TNNI3K: variants seen among roughly 807,000 people sequenced by gnomAD.
TNNI3K encodes TNNI3 interacting kinase.
A neutral mutation model predicts 114.5 loss-of-function variants in TNNI3K; 140 were observed. The ratio of observed to expected loss-of-function variants is 1.22; its 90% CI spans 1.07 to 1.41. The LOEUF (loss-of-function observed/expected upper bound fraction) is 1.41, where lower values mean the gene tolerates loss of function less well. Ranked by LOEUF, TNNI3K falls within the 40% of genes most tolerant of loss-of-function variation. TNNI3K has a pLI of 0.00. For missense variants in TNNI3K, 1,125 were observed against 1,007.6 expected (o/e 1.12, Z -1.58); for synonymous variants, 347 against 347.5 (o/e 1.00, Z 0.02).
chr1:74,388,690 A>G (rs1663613060), intron 17 of TNNI3K, among the ~76,000 whole-genome samples: 1 of 152,372 alleles, frequency 6.6e-6, no homozygotes, highest in South Asian at 2.1e-4. Context: ...TCTGAAAAAT[A>G]TAACAAGGAA....
At chr1:74,268,949 A>T (rs914709519) in intron 4 of TNNI3K, among the ~76,000 whole-genome samples, 4 of 151,904 alleles carry the variant, frequency 2.6e-5, no homozygotes, top group African/African-American at 9.7e-5. Flanking sequence ...AAGATTATAC[A>T]TCTTTGACCT....
chr1:74,490,312 G>A (rs1669001184), intron 22 of TNNI3K, among the ~76,000 whole-genome samples: 1 of 152,166 alleles, frequency 6.6e-6, no homozygotes, highest in Non-Finnish European at 1.5e-5. Context: ...AGCCCCTGTG[G>A]ACAAAAGCAT....
intron 9 of TNNI3K, among the ~76,000 whole-genome samples, chr1:74,351,419 T>C (rs1373336012): frequency 6.6e-6 from 1 of 151,996 alleles, no homozygotes; most frequent in Non-Finnish European, 1.5e-5. Flanking sequence ...TTATTTCAAC[T>C]TTGGTGAATC....
Position 74,278,751 on chromosome 1 carries a change from G to A in TNNI3K, c.444+7043G>A, listed in dbSNP as rs552067751. Among the ~76,000 whole-genome samples the A allele has an allele frequency of 2.0e-5, 3 of 152,186 alleles. No homozygotes were observed. The East Asian group carries it at 5.8e-4, about 29-fold the overall frequency. ...AAAAAGGAAACTTAATACCCATTAA[G>A]TAGTCAGTCCCACCCAGCCCTCACT... is the stretch of plus-strand genomic sequence containing the variant. On this transcript the variant is annotated intron_variant, in intron 5 of 24. Coordinates refer to ENST00000326637, the MANE Select transcript of TNNI3K (RefSeq NM_015978.3).
At chr1:74,480,708 T>G in intron 21 of TNNI3K, 1 of 717,442 alleles carries the variant, frequency 1.4e-6, no homozygotes, top group Non-Finnish European at 2.6e-6. Context: ...CGGAGAGCAT[T>G]ATTGCTCAGC....
At chr1:74,236,251 T>A in intron 2 of TNNI3K, 41 bp downstream of exon 2, 2 of 1,538,460 alleles carry the variant, frequency 1.3e-6, no homozygotes, top group Non-Finnish European at 1.8e-6. Context: ...ATAAGTGTCT[T>A]CAGTATTCAC....
At position 74,370,317 on chromosome 1, in the gene TNNI3K, T is replaced by C. The variant is rs1191413935; in HGVS notation, c.1697T>C (p.Ile566Thr). The change falls in exon 17 of 25, where the codon ATT becomes ACT. Residue 566 changes from isoleucine (I) to threonine (T), a missense_variant. Physicochemically the swap from Ile to Thr is moderately conservative, Grantham distance 89 (BLOSUM62 -1). Coordinates refer to ENST00000326637, the MANE Select transcript of TNNI3K (RefSeq NM_015978.3). Reference sequence around the variant, plus strand: ...CTTGATTTGCAGTCTAAATTAATTATTGCAGTAGATGTTGCCAAAGGCATG... The same window carrying C: ...CTTGATTTGCAGTCTAAATTAATTACTGCAGTAGATGTTGCCAAAGGCATG... ...RILDLQSKLI[I>T]AVDVAKGMEY... 13 of 1,602,820 alleles carry C rather than the reference T, an allele frequency of 8.1e-6. No homozygotes were observed. The highest frequency in any genetic ancestry group is 1.7e-5 in the Admixed American group (1 of 58,808).
At chr1:74,543,034 C>CTTTCCT (rs1646744087) in intron 24 of TNNI3K, among the ~76,000 whole-genome samples, 1 of 133,686 alleles carries the variant, frequency 7.5e-6, no homozygotes, top group South Asian at 2.5e-4. Flanking sequence ...AAGAAAGGCT[C>CTTTCCT]TTTCCTTTTC....
intron 5 of TNNI3K, among the ~76,000 whole-genome samples, chr1:74,300,919 G>T (rs537426412): frequency 6.6e-6 from 1 of 152,140 alleles, no homozygotes; most frequent in East Asian, 1.9e-4. Flanking sequence ...TTGTTTTGGG[G>T]GAAATGTAAC....
chr1:74,493,542 A>T (rs533378314), intron 23 of TNNI3K, among the ~76,000 whole-genome samples: 38 of 152,366 alleles, frequency 2.5e-4, no homozygotes, highest in African/African-American at 5.8e-4. Flanking sequence ...AGAGAAATAT[A>T]TCTGTCATAT....
At chr1:74,287,490 G>A (rs1384511859) in intron 5 of TNNI3K, among the ~76,000 whole-genome samples, 2 of 151,888 alleles carry the variant, frequency 1.3e-5, no homozygotes, top group African/African-American at 4.8e-5. Flanking sequence ...CATATATAAG[G>A]GTATAAGAAT....
chr1:74,427,798 T>C (rs1665706956), intron 17 of TNNI3K, among the ~76,000 whole-genome samples: 1 of 152,126 alleles, frequency 6.6e-6, no homozygotes, highest in Admixed American at 6.6e-5. Context: ...ATGAAAATTA[T>C]ACTTGCTTGT....
At chr1:74,350,317 A>G (rs1661268526) in intron 9 of TNNI3K, among the ~76,000 whole-genome samples, 1 of 151,454 alleles carries the variant, frequency 6.6e-6, no homozygotes, top group Non-Finnish European at 1.5e-5. Context: ...TCTAGTTTGC[A>G]CTGTGGTCTG....
At chr1:74,449,225 T>C (rs1479621162) in intron 20 of TNNI3K, among the ~76,000 whole-genome samples, 7 of 152,068 alleles carry the variant, frequency 4.6e-5, no homozygotes, top group African/African-American at 1.7e-4. Flanking sequence ...TATCCATTTC[T>C]TCTAGATTTT....
intron 2 of TNNI3K, chr1:74,240,391 C>G (rs1654115820): frequency 6.6e-6 from 1 of 152,282 alleles, no homozygotes; most frequent in Non-Finnish European, 1.5e-5. Context: ...TGTTAACAAC[C>G]CTCTGAAGTA....
intron 5 of TNNI3K, among the ~76,000 whole-genome samples, chr1:74,301,381 C>T (rs551586682): frequency 1.3e-5 from 2 of 152,024 alleles, no homozygotes; most frequent in Non-Finnish European, 2.9e-5. Flanking sequence ...GCCTAGGCAA[C>T]AGAGCAAGAC....
At chr1:74,468,508 A>ACCTTTAAGGTG (rs1667771932) in intron 21 of TNNI3K, 1 of 152,186 alleles carries the variant, frequency 6.6e-6, no homozygotes, top group Admixed American at 6.5e-5. Context: ...GATTAAAAGC[A>ACCTTTAAGGTG]ATAAAGTCTT....
rs1474393829 is a variant in TNNI3K, at chr1:74,483,282, TG to T, written c.2122-5906del. 8 of 717,334 alleles carry T rather than the reference TG, an allele frequency of 1.1e-5. No homozygotes were observed. The African/African-American group carries it at 1.4e-4, about 13-fold the overall frequency. The allele number at this position is 717,334 out of a possible 1,614,324, so 44.4% of individuals were successfully genotyped here. ...ATTACCTACTATATAGGTTAGCTGG[TG>T]ACAGAGGGTTACATCTTTGGTGCAC... On this transcript the variant is annotated intron_variant, in intron 21 of 24. Coordinates refer to ENST00000326637, the MANE Select transcript of TNNI3K (RefSeq NM_015978.3).
At chr1:74,416,684 A>G in intron 17 of TNNI3K, 4 of 509,408 alleles carry the variant, frequency 7.9e-6, no homozygotes, top group Non-Finnish European at 1.0e-5. Context: ...TTATTCTTAC[A>G]TTAAATATCT....
Sources: allele counts gnomAD v4.1 joint callset (sites outside exome capture counted in the v4.1 genomes callset), GRCh38; gene constraint gnomAD v4.1.1; transcripts MANE v1.5; gene names NCBI Gene and HGNC (gene_info 2026-07-23, HGNC 2026-07-21).